The following TMEM135 variants were observed in gnomAD, a reference collection of about 807,000 sequenced individuals.
The protein encoded by TMEM135 is peroxisomal membrane protein 52.
Under a neutral mutation model 60.3 loss-of-function variants are expected in TMEM135, and 30 were observed. The observed-to-expected ratio is 0.50, with a 90% confidence interval of 0.37 to 0.68. TMEM135 has a LOEUF of 0.68. Among genes scored for constraint, TMEM135 ranks in the 30% least tolerant of loss-of-function variants. The probability of loss-of-function intolerance (pLI) is 0.00; values close to 1 mark genes in which losing one functional copy is unlikely to be tolerated. For missense variants in TMEM135, 468 were observed against 548.8 expected (o/e 0.85, Z 1.47); for synonymous variants, 190 against 186.7 (o/e 1.02, Z -0.14).
rs376999371 is a variant in TMEM135 at position 87,289,437 on chromosome 11, CTTTTTTTTTTTTTTTT to C, written c.510-6331_510-6316del. Among the ~76,000 whole-genome samples the C allele has an allele frequency of 5.6e-3, 489 of 87,588 alleles. 5 individuals carry two copies. Among genetic ancestry groups the C allele is most frequent in the Admixed American group, 0.012 (85 of 7,266 alleles). The allele number at this position is 87,588 out of a possible 152,430, so 57.5% of individuals were successfully genotyped here. A position where few individuals can be genotyped will look rare whatever the true frequency, so the allele number is the denominator to read the frequency against. On this transcript the variant is annotated intron_variant, in intron 6 of 14. Coordinates refer to ENST00000305494, the MANE Select transcript of TMEM135 (RefSeq NM_022918.4). The stretch of plus-strand genomic sequence containing the variant: ...TATCCTTTAACAAATATCTCCATAT[CTTTTTTTTTTTTTTTT>C]TTTTTTTTTTTTTGAGATGTAGTTT...
At chr11:87,244,798 C>T (rs2135383092) in intron 6 of TMEM135, among the ~76,000 whole-genome samples, 1 of 106,642 alleles carries the variant, frequency 9.4e-6, no homozygotes, top group East Asian at 2.1e-4. Flanking sequence ...TTTCAAAGAA[C>T]CAGCTCCTGG....
intron 5 of TMEM135, among the ~76,000 whole-genome samples, chr11:87,230,668 TA>T (rs1381277951): frequency 1.3e-5 from 2 of 152,196 alleles, no homozygotes; most frequent in African/African-American, 4.8e-5. Flanking sequence ...TGTAAAGTGC[TA>T]AAACATTGCT....
At chr11:87,246,681 G>A (rs1433728207) in intron 6 of TMEM135, among the ~76,000 whole-genome samples, 3 of 144,946 alleles carry the variant, frequency 2.1e-5, no homozygotes, top group Admixed American at 6.9e-5. Context: ...CGTAGTTCTC[G>A]AGCCTTGGCT....
rs760235988 is a variant in TMEM135 at position 87,038,032 on chromosome 11, C to T, written c.-14C>T. The T allele has an allele frequency of 1.2e-5, 19 of 1,613,768 alleles. No individual in the cohort carries two copies. The highest frequency in any genetic ancestry group is 5.9e-6 in the Non-Finnish European group (7 of 1,180,026). ...GGCTCTCCCCCTCCTGTCTTCTCCG[C>T]GCTGTTCCTCGTCATGGCGGCCCTC... On this transcript the variant is annotated 5_prime_UTR_variant, in exon 1 of 15. Coordinates refer to ENST00000305494, the MANE Select transcript of TMEM135 (RefSeq NM_022918.4).
chr11:87,322,806 C>T lies in TMEM135; in HGVS notation c.*1473C>T. On this transcript the variant is annotated 3_prime_UTR_variant, in exon 15 of 15. Coordinates refer to ENST00000305494, the MANE Select transcript of TMEM135 (RefSeq NM_022918.4). ...CCCAACAAAAAGACAGACTCTGGTA[C>T]TATGGTAACAGAGCCACTTTATCAT... is the stretch of plus-strand genomic sequence containing the variant. 2 of 454,308 alleles carry T rather than the reference C, an allele frequency of 4.4e-6. No individual in the cohort carries two copies. The highest frequency in any genetic ancestry group is 2.0e-5 in the African/African-American group (1 of 50,080). 28.1% of individuals were successfully genotyped at this position (454,308 alleles called of 1,614,324 possible).
At chr11:87,259,260 A>G (rs566833998) in intron 6 of TMEM135, 3 of 427,558 alleles carry the variant, frequency 7.0e-6, no homozygotes, top group Non-Finnish European at 8.9e-6. Flanking sequence ...GACAGCGGCC[A>G]TGGCTGTAGG....
At chr11:87,272,455 G>A (rs4944693) in intron 6 of TMEM135, among the ~76,000 whole-genome samples, 15 of 151,040 alleles carry the variant, frequency 9.9e-5, no homozygotes, top group African/African-American at 2.4e-4. Flanking sequence ...TCTTAAAAAA[G>A]TTTTTTTTTA....
chr11:87,057,529 A>T (rs1949904974), intron 1 of TMEM135, among the ~76,000 whole-genome samples: 1 of 152,128 alleles, frequency 6.6e-6, no homozygotes, highest in African/African-American at 2.4e-5. Context: ...GCGATTTATG[A>T]TGCGATTTCT....
At chr11:87,209,361 A>G (rs1027024681) in intron 5 of TMEM135, among the ~76,000 whole-genome samples, 7 of 152,228 alleles carry the variant, frequency 4.6e-5, no homozygotes, top group Admixed American at 1.3e-4. Context: ...AGAAAGGCCT[A>G]TTAGCCAAAT....
intron 5 of TMEM135, among the ~76,000 whole-genome samples, chr11:87,165,659 C>A (rs1036139165): frequency 6.6e-6 from 1 of 151,282 alleles, no homozygotes; most frequent in Non-Finnish European, 1.5e-5. Flanking sequence ...AGCTGTGAAT[C>A]CATCTGGTCC....
In TMEM135 at chr11:87,287,698, A is replaced by AATGT. The variant is rs199959141; in HGVS notation, c.510-8065_510-8062dup. ...CTCATAAATTAATAAATAATAAATA[A>AATGT]ATGTATGTATGTATGTATGTATTTT... On this transcript the variant is annotated intron_variant, in intron 6 of 14. Transcript: ENST00000305494. Among the ~76,000 whole-genome samples, 27 of 152,160 alleles carry AATGT rather than the reference A, an allele frequency of 1.8e-4. 1 individual carries two copies. Among genetic ancestry groups the AATGT allele is most frequent in the Admixed American group, 5.9e-4 (9 of 15,278 alleles).
chr11:87,124,550 C>T (rs982499519), intron 4 of TMEM135, among the ~76,000 whole-genome samples: 4 of 152,004 alleles, frequency 2.6e-5, no homozygotes, highest in Admixed American at 6.6e-5. Context: ...TTTTCAATGA[C>T]ATTTTTTGAG....
intron 5 of TMEM135, among the ~76,000 whole-genome samples, chr11:87,196,379 T>TA (rs1022769374): frequency 4.0e-5 from 6 of 151,890 alleles, no homozygotes; most frequent in African/African-American, 1.2e-4. Flanking sequence ...TAACACATTT[T>TA]AAAAAAAATT....
At chr11:87,144,791 T>A (rs965656029) in intron 4 of TMEM135, among the ~76,000 whole-genome samples, 3 of 151,774 alleles carry the variant, frequency 2.0e-5, no homozygotes, top group African/African-American at 7.3e-5. Context: ...ATTTTGTTAG[T>A]GATGTATCTG....
At chr11:87,285,139 G>A (rs1229030669) in intron 6 of TMEM135, among the ~76,000 whole-genome samples, 1 of 152,166 alleles carries the variant, frequency 6.6e-6, no homozygotes, top group East Asian at 1.9e-4. Flanking sequence ...TGATAAGCAA[G>A]CATCAATCAA....
At chr11:87,106,063 T>G (rs1857586968) in intron 4 of TMEM135, among the ~76,000 whole-genome samples, 1 of 152,144 alleles carries the variant, frequency 6.6e-6, no homozygotes, top group South Asian at 2.1e-4. Context: ...CTTAATATAA[T>G]GATCTCCAGT....
chr11:87,250,210 C>T (rs1282822032), intron 6 of TMEM135, among the ~76,000 whole-genome samples: 1 of 152,038 alleles, frequency 6.6e-6, no homozygotes, highest in Non-Finnish European at 1.5e-5. Context: ...TTTAGTTATT[C>T]TGGCTAAAGT....
At chr11:87,185,283 A>C (rs1939621784) in intron 5 of TMEM135, among the ~76,000 whole-genome samples, 1 of 152,142 alleles carries the variant, frequency 6.6e-6, no homozygotes, top group Non-Finnish European at 1.5e-5. Flanking sequence ...CAGAATCCAG[A>C]TAAGATCTAT....
At chr11:87,170,518 T>A (rs1939204718) in intron 5 of TMEM135, among the ~76,000 whole-genome samples, 1 of 152,196 alleles carries the variant, frequency 6.6e-6, no homozygotes, top group South Asian at 2.1e-4. Flanking sequence ...TTCTGTTTGT[T>A]AAATTTTCTT....
Sources: allele counts gnomAD v4.1 joint callset (sites outside exome capture counted in the v4.1 genomes callset), GRCh38; gene constraint gnomAD v4.1.1; transcripts MANE v1.5; gene names NCBI Gene and HGNC (gene_info 2026-07-23, HGNC 2026-07-21).